The following ME3 variants were observed in gnomAD, a reference collection of about 807,000 sequenced individuals.
The protein encoded by ME3 is malic enzyme 3, also known as NADP-dependent malic enzyme, mitochondrial.
A neutral mutation model predicts 68.9 loss-of-function variants in ME3; 48 were observed. The ratio of observed to expected loss-of-function variants is 0.70; its 90% CI spans 0.55 to 0.89. ME3 has a LOEUF of 0.89. Ranked by LOEUF, ME3 falls within the 40% of genes least tolerant of loss-of-function variation. The pLI is 0.00. For missense variants in ME3, 675 were observed against 797.4 expected (o/e 0.85, Z 1.85); for synonymous variants, 320 against 318.8 (o/e 1.00, Z -0.04).
chr11:86,446,569 T>C (rs1949311477), intron 12 of ME3, 82 bp from the exon 13 acceptor site: 5 of 1,378,252 alleles, frequency 3.6e-6, no homozygotes, highest in Admixed American at 1.9e-5. Context: ...CTTCCAAATG[T>C]TGGACCCTTC....
At chr11:86,608,403 G>A (rs1286742862) in intron 2 of ME3, among the ~76,000 whole-genome samples, 1 of 152,182 alleles carries the variant, frequency 6.6e-6, no homozygotes, top group Non-Finnish European at 1.5e-5. Context: ...TGCATGAGAT[G>A]GAAGCAATCT....
intron 2 of ME3, among the ~76,000 whole-genome samples, chr11:86,643,851 T>G (rs1447278375): frequency 6.6e-6 from 1 of 152,046 alleles, no homozygotes; most frequent in Non-Finnish European, 1.5e-5. Context: ...GAAATGAGAC[T>G]TGCTGATGTC....
At chr11:86,498,988 T>A (rs1052918866) in intron 5 of ME3, among the ~76,000 whole-genome samples, 1 of 152,002 alleles carries the variant, frequency 6.6e-6, no homozygotes, top group Admixed American at 6.5e-5. Context: ...ATGGAATGTA[T>A]ATATTAATAA....
intron 4 of ME3, among the ~76,000 whole-genome samples, chr11:86,555,331 G>A (rs1956874895): frequency 6.6e-6 from 1 of 152,124 alleles, no homozygotes; most frequent in Non-Finnish European, 1.5e-5. Flanking sequence ...GAAGGAACAG[G>A]GGAAGTACAT....
intron 2 of ME3, among the ~76,000 whole-genome samples, chr11:86,581,892 T>C (rs543381032): frequency 6.6e-6 from 1 of 152,324 alleles, no homozygotes; most frequent in East Asian, 1.9e-4. Flanking sequence ...TTATCCATCC[T>C]CCTTATAATC....
intron 2 of ME3, among the ~76,000 whole-genome samples, chr11:86,572,678 A>C (rs991344210): frequency 6.6e-6 from 1 of 152,168 alleles, no homozygotes. Flanking sequence ...CCAGTCTATC[A>C]CTGATGAGCA....
At chr11:86,661,392 TG>T (rs776761229) in intron 2 of ME3, among the ~76,000 whole-genome samples, 1 of 152,078 alleles carries the variant, frequency 6.6e-6, no homozygotes, top group Non-Finnish European at 1.5e-5. Flanking sequence ...AACACAAAAG[TG>T]AGGGAAAGAA....
At chr11:86,465,036 G>T (rs1353741605) in intron 8 of ME3, 55 bp downstream of exon 8, 2 of 1,404,844 alleles carry the variant, frequency 1.4e-6, no homozygotes, top group African/African-American at 1.4e-5. Context: ...ATCCCAGTGA[G>T]GTTGAGAATA....
chr11:86,489,524 C>T (rs946277664), intron 6 of ME3, among the ~76,000 whole-genome samples: 1 of 152,132 alleles, frequency 6.6e-6, no homozygotes, highest in African/African-American at 2.4e-5. Context: ...GTGTGTGGCT[C>T]AGAACTATCT....
At chr11:86,582,621 G>C (rs1298443373) in intron 2 of ME3, among the ~76,000 whole-genome samples, 2 of 152,140 alleles carry the variant, frequency 1.3e-5, no homozygotes, top group African/African-American at 4.8e-5. Flanking sequence ...CTTTTTAAAT[G>C]AGCAGCAATG....
At chr11:86,663,676 T>A (rs1414028281) in intron 2 of ME3, among the ~76,000 whole-genome samples, 2 of 152,172 alleles carry the variant, frequency 1.3e-5, no homozygotes, top group Non-Finnish European at 2.9e-5. Flanking sequence ...CTCACTATAA[T>A]ACTGACATTT....
At chr11:86,615,120 A>G (rs569123502) in intron 2 of ME3, among the ~76,000 whole-genome samples, 1 of 152,282 alleles carries the variant, frequency 6.6e-6, no homozygotes, top group East Asian at 1.9e-4. Context: ...AGAAATCAAA[A>G]CAGGAATTTA....
chr11:86,462,021 A>G (rs142425272), intron 8 of ME3, among the ~76,000 whole-genome samples: 190 of 152,290 alleles, frequency 1.2e-3, no homozygotes, highest in African/African-American at 4.3e-3. Flanking sequence ...AGACACAAAA[A>G]CCAATGAATG....
intron 2 of ME3, among the ~76,000 whole-genome samples, chr11:86,598,155 C>T (rs1378415489): frequency 6.6e-6 from 1 of 152,182 alleles, no homozygotes; most frequent in East Asian, 1.9e-4. Context: ...CAGTGCCTCA[C>T]TCGGGAAGTG....
chr11:86,663,238 A>G (rs963403721), intron 2 of ME3, among the ~76,000 whole-genome samples: 4 of 151,996 alleles, frequency 2.6e-5, no homozygotes, highest in African/African-American at 7.3e-5. Context: ...TAGAAAGCCA[A>G]TGCAGCTTTG....
At chr11:86,661,431 G>A (rs561110267) in intron 2 of ME3, among the ~76,000 whole-genome samples, 1 of 152,300 alleles carries the variant, frequency 6.6e-6, no homozygotes, top group South Asian at 2.1e-4. Flanking sequence ...TCAAAGTACT[G>A]GAGAGATGTC....
chr11:86,552,171 G>C (rs1310759210), intron 4 of ME3, among the ~76,000 whole-genome samples: 1 of 152,146 alleles, frequency 6.6e-6, no homozygotes, highest in African/African-American at 2.4e-5. Flanking sequence ...ATCCTCCCAA[G>C]CAGCCATGTG....
exon 1 of ME3, chr11:86,672,378 T>A: frequency 6.2e-6 from 1 of 161,524 alleles, no homozygotes; most frequent in Non-Finnish European, 1.3e-5. Context: ...GCAGGCGGGG[T>A]GAGGAGCTGC....
chr11:86,657,659 A>T (rs111326849), intron 2 of ME3, among the ~76,000 whole-genome samples: 101 of 152,280 alleles, frequency 6.6e-4, no homozygotes, highest in Middle Eastern at 6.8e-3. Flanking sequence ...TCACAATTAC[A>T]TGCTTGCTAT....
Sources: allele counts gnomAD v4.1 joint callset (sites outside exome capture counted in the v4.1 genomes callset), GRCh38; gene constraint gnomAD v4.1.1; transcripts MANE v1.5; gene names NCBI Gene and HGNC (gene_info 2026-07-23, HGNC 2026-07-21).